Variants in USH2A observed in about 807,000 individuals in gnomAD.
USH2A encodes usherin.
In USH2A, 443 loss-of-function variants were observed where a neutral mutation model predicts 538.9. The ratio of observed to expected loss-of-function variants is 0.82; its 90% CI spans 0.76 to 0.89. The LOEUF is 0.89. Among genes scored for constraint, USH2A ranks in the 40% least tolerant of loss-of-function variants. The pLI is 0.00. For missense variants in USH2A, 6,633 were observed against 6,324.8 expected, an observed-to-expected ratio of 1.05 and a Z score of -1.65; for synonymous variants, 2,413 against 2,273.5, an observed-to-expected ratio of 1.06 and a Z score of -1.75.
At chr1:216,360,522 C>T (rs1436011599) in intron 4 of USH2A, among the ~76,000 whole-genome samples, 2 of 151,942 alleles carry the variant, frequency 1.3e-5, no homozygotes, top group East Asian at 1.9e-4. Flanking sequence ...TTAATGTAAA[C>T]TATGGACTGT....
intron 62 of USH2A, among the ~76,000 whole-genome samples, chr1:215,675,853 A>C (rs1208410669): frequency 1.3e-5 from 2 of 152,006 alleles, no homozygotes; most frequent in Non-Finnish European, 2.9e-5. Flanking sequence ...TTTGGGAACT[A>C]CATAAACATT....
At chr1:215,880,283 C>T (rs1391575477) in intron 41 of USH2A, among the ~76,000 whole-genome samples, 3 of 152,072 alleles carry the variant, frequency 2.0e-5, no homozygotes, top group Non-Finnish European at 2.9e-5. Context: ...AAGACTATGA[C>T]CTGAGATTTT....
chr1:216,421,941 G>T lies in USH2A; in HGVS notation c.396C>A (p.His132Gln), dbSNP rs1332733047. Reference sequence around the variant, plus strand: ...AAGGAGGAGAAGAAAAGCAGCTCTTGTGATTTCCAAAAATAAAACTTGCAG... The same window carrying T: ...AAGGAGGAGAAGAAAAGCAGCTCTTTTGATTTCCAAAAATAAAACTTGCAG... ...SNSASFIFGN[H>Q]KSCFSSPPSP... Residue 132 changes from histidine to glutamine, a missense_variant, in exon 2 of 72, where the codon CAC becomes CAA. By Grantham distance (24) the His-to-Gln change is conservative. Coordinates refer to ENST00000307340, the MANE Select transcript of USH2A (RefSeq NM_206933.4). 6.2e-7 allele frequency: 1 copy of T among 1,613,948 alleles called. No individual in the cohort carries two copies. Among genetic ancestry groups the T allele is most frequent in the Admixed American group, 1.7e-5 (1 of 59,962 alleles).
intron 21 of USH2A, among the ~76,000 whole-genome samples, chr1:216,100,174 T>C (rs2032544077): frequency 6.6e-6 from 1 of 152,176 alleles, no homozygotes; most frequent in South Asian, 2.1e-4. Flanking sequence ...GAGCTGGTAA[T>C]GACATAATCT....
chr1:215,851,076 C>T (rs1417400727), intron 44 of USH2A, among the ~76,000 whole-genome samples: 1 of 152,036 alleles, frequency 6.6e-6, no homozygotes, highest in Non-Finnish European at 1.5e-5. Flanking sequence ...GTCTTAAATG[C>T]CTATATCAAA....
intron 71 of USH2A, 74 bp from the exon 72 acceptor site, chr1:215,625,944 C>A: frequency 7.1e-7 from 1 of 1,408,988 alleles, no homozygotes; most frequent in Non-Finnish European, 1.0e-6. Flanking sequence ...ATAGTTATAT[C>A]AATTAAGTGT....
At chr1:216,109,711 A>T (rs2032820743) in intron 21 of USH2A, among the ~76,000 whole-genome samples, 1 of 152,082 alleles carries the variant, frequency 6.6e-6, no homozygotes, top group Admixed American at 6.6e-5. Flanking sequence ...TTTTCAGTGG[A>T]TTATCTTGGA....
chr1:216,175,550 T>C, intron 20 of USH2A, 68 bp from the exon 21 acceptor site: 2 of 1,358,860 alleles, frequency 1.5e-6, no homozygotes, highest in Non-Finnish European at 2.1e-6. Context: ...CATATTCACA[T>C]ATACGTATAT....
At chr1:215,999,724 G>A (rs1441434015) in intron 33 of USH2A, among the ~76,000 whole-genome samples, 1 of 152,108 alleles carries the variant, frequency 6.6e-6, no homozygotes, top group Non-Finnish European at 1.5e-5. Flanking sequence ...ACGTGGCTTG[G>A]CTTAGGGGCA....
At chr1:216,287,505 G>A (rs780475735) in intron 11 of USH2A, among the ~76,000 whole-genome samples, 2 of 152,038 alleles carry the variant, frequency 1.3e-5, no homozygotes, top group African/African-American at 2.4e-5. Context: ...ACATCTCACT[G>A]GTAGATTGAA....
chr1:216,176,155 C>A (rs2034377986), intron 20 of USH2A, among the ~76,000 whole-genome samples: 1 of 152,072 alleles, frequency 6.6e-6, no homozygotes, highest in African/African-American at 2.4e-5. Flanking sequence ...AAAAGACTTT[C>A]ATTATTTTTG....
chr1:215,888,670 T>C lies in USH2A; in HGVS notation c.7979A>G (p.Glu2660Gly). 6.2e-7 allele frequency: 1 copy of C among 1,614,172 alleles called. No homozygotes were observed. The highest frequency in any genetic ancestry group is 8.5e-7 in the Non-Finnish European group (1 of 1,180,020). Reference protein sequence around the residue: ...PNGLVENFTIERRVKGKEEVT... With the variant: ...PNGLVENFTIGRRVKGKEEVT... ...TTCTTCCTTTCCTTTGACTCTTCTC[T>C]CAATTGTGAAATTCTCCACCAAGCC... The change falls in exon 41 of 72, where the codon GAG becomes GGG. Residue 2660 changes from glutamate (E) to glycine (G), a missense_variant. By Grantham distance (98) the Glu-to-Gly change is moderately conservative (BLOSUM62 -2). Transcript: ENST00000307340.
intron 31 of USH2A, among the ~76,000 whole-genome samples, chr1:216,047,111 TG>T (rs1169116404): frequency 6.6e-6 from 1 of 152,172 alleles, no homozygotes; most frequent in Non-Finnish European, 1.5e-5. Flanking sequence ...GTCAATGAAT[TG>T]GGGGGTCCTA....
chr1:215,749,534 A>G (rs1339775614), intron 58 of USH2A, among the ~76,000 whole-genome samples: 2 of 152,208 alleles, frequency 1.3e-5, no homozygotes, highest in South Asian at 2.1e-4. Flanking sequence ...CTGTGACACG[A>G]AAGTCTCTGG....
chr1:216,343,189 AT>A (rs1203822643), intron 4 of USH2A, among the ~76,000 whole-genome samples: 5 of 151,954 alleles, frequency 3.3e-5, no homozygotes, highest in Admixed American at 6.6e-5. Flanking sequence ...ACTAAAGATA[AT>A]TTCTTGTTAA....
At chr1:216,097,031 C>A (rs2032456770) in intron 22 of USH2A, 52 bp downstream of exon 22, 4 of 1,523,386 alleles carry the variant, frequency 2.6e-6, no homozygotes, top group Non-Finnish European at 3.6e-6. Flanking sequence ...ACCTCAGTAC[C>A]AGGCACCTAC....
intron 44 of USH2A, among the ~76,000 whole-genome samples, chr1:215,847,186 CAAGAGAACAT>C (rs1478434569): frequency 6.6e-6 from 1 of 152,096 alleles, no homozygotes; most frequent in Non-Finnish European, 1.5e-5. Context: ...GATTCTTTAA[CAAGAGAACAT>C]GAAAACAGCC....
At chr1:216,190,938 T>A (rs2034703880) in intron 19 of USH2A, among the ~76,000 whole-genome samples, 1 of 152,060 alleles carries the variant, frequency 6.6e-6, no homozygotes, top group Non-Finnish European at 1.5e-5. Context: ...AACAAACATA[T>A]AAAGATTAGA....
chr1:215,964,393 C>A (rs1219744576), intron 37 of USH2A, among the ~76,000 whole-genome samples: 1 of 152,194 alleles, frequency 6.6e-6, no homozygotes, highest in Admixed American at 6.5e-5. Context: ...GTGCAGTACA[C>A]AAATAACCAC....
Sources: gnomAD v4.1 joint callset for allele counts (sites outside exome capture counted in the v4.1 genomes callset) on GRCh38, gnomAD v4.1.1 for gene constraint, MANE v1.5 for transcripts, NCBI Gene and HGNC (gene_info 2026-07-23, HGNC 2026-07-21) for gene names.